ANO10: variants seen among roughly 807,000 people sequenced by gnomAD.
The protein encoded by ANO10 is anoctamin 10.
Under a neutral mutation model 74.7 loss-of-function variants are expected in ANO10, and 77 were observed. That is an observed-to-expected ratio of 1.03 (90% CI 0.86 to 1.25). The LOEUF is 1.25. ANO10 is among the 50% of genes most tolerant of loss of function. The pLI is 0.00. For synonymous variants in ANO10, 279 were observed against 284.9 expected (o/e 0.98, Z 0.21); for missense variants, 721 against 778.1 (o/e 0.93, Z 0.87).
At chr3:43,376,915 ATCT>A (rs1214592650) in intron 12 of ANO10, among the ~76,000 whole-genome samples, 2 of 152,010 alleles carry the variant, frequency 1.3e-5, no homozygotes, top group African/African-American at 2.4e-5. Context: ...GAGGTCTACA[ATCT>A]TCTTGTGTAT....
At chr3:43,631,578 T>C (rs1386171911) in intron 1 of ANO10, among the ~76,000 whole-genome samples, 1 of 152,074 alleles carries the variant, frequency 6.6e-6, no homozygotes, top group African/African-American at 2.4e-5. Flanking sequence ...ATAAACATAG[T>C]GCTTTTTTTT....
At chr3:43,516,900 G>A (rs2149201894) in intron 11 of ANO10, among the ~76,000 whole-genome samples, 1 of 152,310 alleles carries the variant, frequency 6.6e-6, no homozygotes, top group East Asian at 1.9e-4. Flanking sequence ...CTCCAGGGAG[G>A]TGACATGCCT....
chr3:43,434,183 A>T (rs1404582351), intron 11 of ANO10, among the ~76,000 whole-genome samples: 3 of 152,220 alleles, frequency 2.0e-5, no homozygotes, highest in African/African-American at 4.8e-5. Context: ...AACAAGAGAC[A>T]AAGAATAGAC....
chr3:43,652,432 G>C (rs1559385676), intron 1 of ANO10, among the ~76,000 whole-genome samples: 1 of 152,156 alleles, frequency 6.6e-6, no homozygotes, highest in Non-Finnish European at 1.5e-5. Context: ...AACAAACAGT[G>C]CTCAGACAAC....
At chr3:43,681,973 A>C (rs1325032007) in intron 1 of ANO10, among the ~76,000 whole-genome samples, 1 of 152,242 alleles carries the variant, frequency 6.6e-6, no homozygotes, top group East Asian at 1.9e-4. Context: ...CACAAGAGAA[A>C]GCAGGAAAGA....
At chr3:43,635,584 G>A (rs1217160005) in intron 1 of ANO10, among the ~76,000 whole-genome samples, 1 of 151,076 alleles carries the variant, frequency 6.6e-6, no homozygotes, top group Non-Finnish European at 1.5e-5. Flanking sequence ...TTATAGTTTT[G>A]GTTTCTTTAG....
intron 7 of ANO10, among the ~76,000 whole-genome samples, chr3:43,567,378 T>C (rs1393754060): frequency 6.6e-6 from 1 of 151,914 alleles, no homozygotes; most frequent in Non-Finnish European, 1.5e-5. Context: ...AGACACATAA[T>C]TGTCAGATTC....
chr3:43,541,054 G>GA (rs950908321), intron 11 of ANO10, among the ~76,000 whole-genome samples: 4 of 151,728 alleles, frequency 2.6e-5, no homozygotes, highest in Admixed American at 1.3e-4. Flanking sequence ...AGAGGAGGAA[G>GA]AAAAAAAACC....
intron 10 of ANO10, 118 bp downstream of exon 10, chr3:43,555,160 C>G: frequency 1.9e-6 from 2 of 1,058,220 alleles, no homozygotes; most frequent in Non-Finnish European, 2.8e-6. Flanking sequence ...TGTAGCCAAA[C>G]AAACAAATTC....
At chr3:43,515,525 C>A (rs2077674816) in intron 11 of ANO10, among the ~76,000 whole-genome samples, 1 of 152,114 alleles carries the variant, frequency 6.6e-6, no homozygotes, top group Non-Finnish European at 1.5e-5. Flanking sequence ...ACTGCATGAA[C>A]CAATTCCCTA....
intron 11 of ANO10, among the ~76,000 whole-genome samples, chr3:43,495,804 A>G (rs1201444315): frequency 6.6e-6 from 1 of 151,808 alleles, no homozygotes; most frequent in African/African-American, 2.4e-5. Context: ...GGTTCACACC[A>G]TTCTCCTGCC....
chr3:43,681,618 G>C (rs998869910), intron 1 of ANO10, among the ~76,000 whole-genome samples: 3 of 152,162 alleles, frequency 2.0e-5, no homozygotes, highest in Non-Finnish European at 2.9e-5. Context: ...AAAATCAACA[G>C]AATATACATT....
chr3:43,648,386 G>A (rs1040084952), intron 1 of ANO10, among the ~76,000 whole-genome samples: 2 of 152,206 alleles, frequency 1.3e-5, no homozygotes, highest in African/African-American at 4.8e-5. Context: ...AGTCCATAGA[G>A]TAAAGTGAAA....
At position 43,574,793 on chromosome 3, in the gene ANO10, T is replaced by G; in HGVS notation, c.1218+16A>C. 1 of 1,606,880 alleles carries G rather than the reference T, an allele frequency of 6.2e-7. No individual in the cohort carries two copies. Among genetic ancestry groups the G allele is most frequent in the Non-Finnish European group, 8.5e-7 (1 of 1,173,470 alleles). On this transcript the variant is annotated intron_variant, in intron 7 of 12. Transcript: ENST00000292246. Reference sequence around the variant, plus strand: ...CAGTTTCATAAAATGGATTTGTACATAAACGCTGTACTTACCACTAAAACT... The same window carrying G: ...CAGTTTCATAAAATGGATTTGTACAGAAACGCTGTACTTACCACTAAAACT...
chr3:43,375,729 CCA>C (rs2091778145), intron 12 of ANO10, among the ~76,000 whole-genome samples: 1 of 152,154 alleles, frequency 6.6e-6, no homozygotes, highest in African/African-American at 2.4e-5. Flanking sequence ...TCCCTGGACT[CCA>C]GAGTCAGAGA....
intron 11 of ANO10, among the ~76,000 whole-genome samples, chr3:43,536,912 G>T (rs1478801175): frequency 1.3e-5 from 2 of 148,262 alleles, no homozygotes; most frequent in Non-Finnish European, 3.0e-5. Context: ...CACTCATCTT[G>T]GTGTATAGCA....
chr3:43,524,544 T>C (rs929878356), intron 11 of ANO10, among the ~76,000 whole-genome samples: 2 of 152,110 alleles, frequency 1.3e-5, no homozygotes, highest in Non-Finnish European at 1.5e-5. Flanking sequence ...TGTGCAATGA[T>C]TATGTGTTGC....
chr3:43,498,062 T>C lies in ANO10; in HGVS notation c.1797+51658A>G, dbSNP rs747825512. Among the ~76,000 whole-genome samples the C allele has an allele frequency of 3.7e-4, 56 of 152,360 alleles. 1 individual carries two copies. The Middle Eastern group carries it at 0.01, about 28-fold the overall frequency. Reference sequence around the variant, plus strand: ...TAAATTCTCAGCTGTGAATCAAGCATTAATCTGGTAATTATTTTAAAAGGA... The same window carrying C: ...TAAATTCTCAGCTGTGAATCAAGCACTAATCTGGTAATTATTTTAAAAGGA... On this transcript the variant is annotated intron_variant, in intron 11 of 12. Coordinates refer to ENST00000292246, the MANE Select transcript of ANO10 (RefSeq NM_018075.5).
upstream of ANO10, among the ~76,000 whole-genome samples, chr3:43,625,728 A>C (rs953056835): frequency 4.9e-4 from 75 of 152,322 alleles, no homozygotes; most frequent in African/African-American, 1.7e-3. Context: ...ATAATAGAAC[A>C]GTCCTTTTTC....
Sources: gnomAD v4.1 joint callset for allele counts (sites outside exome capture counted in the v4.1 genomes callset) on GRCh38, gnomAD v4.1.1 for gene constraint, MANE v1.5 for transcripts, NCBI Gene and HGNC (gene_info 2026-07-23, HGNC 2026-07-21) for gene names.